The following TDRD12 variants were observed in gnomAD, a reference collection of about 807,000 sequenced individuals.
TDRD12 encodes the protein tudor domain containing 12.
A neutral mutation model predicts 133.5 loss-of-function variants in TDRD12; 158 were observed. The ratio of observed to expected loss-of-function variants is 1.18; its 90% CI spans 1.04 to 1.35. TDRD12 has a LOEUF of 1.35. TDRD12 is among the 40% of genes most tolerant of loss of function. The probability of loss-of-function intolerance (pLI) is 0.00; values close to 1 mark genes in which losing one functional copy is unlikely to be tolerated. For missense variants in TDRD12, 1,443 were observed against 1,321.3 expected, an observed-to-expected ratio of 1.09 and a Z score of -1.43; for synonymous variants, 460 against 477.9, an observed-to-expected ratio of 0.96 and a Z score of 0.49.
In TDRD12 at chr19:32,805,578, T is replaced by C. The variant is rs985118474; in HGVS notation, c.2553-1971T>C. On this transcript the variant is annotated intron_variant, in intron 21 of 27. Coordinates refer to ENST00000444215, the Ensembl canonical transcript of TDRD12. ...CATTTTTGGACTCTATTCTGTTACT[T>C]TGGCCTATTGGTCTAACTTTATACC... is the stretch of plus-strand genomic sequence containing the variant. Among the ~76,000 whole-genome samples the C allele has an allele frequency of 2.6e-5, 4 of 152,210 alleles. No individual in the cohort carries two copies. In the East Asian group the frequency reaches 5.8e-4, roughly 22 times the overall value.
intron 14 of TDRD12, among the ~76,000 whole-genome samples, chr19:32,795,561 GTGCTCTGCCAGTCAT>G (rs887474938): frequency 1.3e-5 from 2 of 152,024 alleles, no homozygotes; most frequent in Non-Finnish European, 2.9e-5. Context: ...GCCTTGTCCC[GTGCTCTGCCAGTCAT>G]TTCCTAGCTC....
intron 4 of TDRD12, among the ~76,000 whole-genome samples, chr19:32,746,922 G>A (rs1342770046): frequency 7.3e-6 from 1 of 137,704 alleles, no homozygotes; most frequent in Non-Finnish European, 1.5e-5. Context: ...GAGACTGGCT[G>A]ATGTGGCTAT....
chr19:32,776,881 G>T (rs1160577860), intron 10 of TDRD12, among the ~76,000 whole-genome samples: 1 of 152,078 alleles, frequency 6.6e-6, no homozygotes, highest in Non-Finnish European at 1.5e-5. Context: ...GGGGTAAAGG[G>T]GTTCACAATT....
intron 1 of TDRD12, among the ~76,000 whole-genome samples, chr19:32,727,811 G>A (rs1968908279): frequency 6.6e-6 from 1 of 152,258 alleles, no homozygotes; most frequent in African/African-American, 2.4e-5. Context: ...TGGGATTACG[G>A]GCATGTACCA....
At chr19:32,742,809 C>A (rs1405488952) in exon 4 of TDRD12, 2 of 1,551,622 alleles carry the variant, frequency 1.3e-6, no homozygotes, top group South Asian at 1.2e-5. Flanking sequence ...ATCGTTTATG[C>A]AGCTTCCCTA....
chr19:32,736,943 G>A (rs1004772245), intron 2 of TDRD12, among the ~76,000 whole-genome samples: 2 of 152,088 alleles, frequency 1.3e-5, no homozygotes, highest in Admixed American at 1.3e-4. Context: ...TAAAAAATGG[G>A]CTTAGTACAC....
intron 8 of TDRD12, among the ~76,000 whole-genome samples, chr19:32,763,292 A>G (rs1395684754): frequency 6.6e-6 from 1 of 152,168 alleles, no homozygotes; most frequent in Admixed American, 6.6e-5. Context: ...GGAGGGGTGG[A>G]GAGAGGGAAA....
At chr19:32,743,325 G>A (rs1179294928) in intron 4 of TDRD12, among the ~76,000 whole-genome samples, 1 of 151,866 alleles carries the variant, frequency 6.6e-6, no homozygotes, top group Non-Finnish European at 1.5e-5. Context: ...GGGACTACAG[G>A]CACATGCCAC....
At chr19:32,792,766 G>A (rs569250886) in intron 13 of TDRD12, among the ~76,000 whole-genome samples, 79 of 152,336 alleles carry the variant, frequency 5.2e-4, no homozygotes, top group African/African-American at 1.8e-3. Flanking sequence ...AGATTCTGAA[G>A]CATCTAAGTT....
In TDRD12 at chr19:32,728,171, G is replaced by T. The variant is rs192103282; in HGVS notation, c.25-3554G>T. On this transcript the variant is annotated intron_variant, in intron 1 of 27. Transcript: ENST00000444215. ...ATACTGTTTTGATTACTGTAGCTTT[G>T]TAGTAAAGTTTTGTGATCAAGTGTG... 5.5e-4 allele frequency among the ~76,000 whole-genome samples: 84 copies of T among 152,216 alleles called. 1 individual carries two copies. Among genetic ancestry groups the T allele is most frequent in the East Asian group, 1.7e-3 (9 of 5,188 alleles).
chr19:32,815,573 C>A (rs1425262945), exon 26 of TDRD12: 4 of 1,536,038 alleles, frequency 2.6e-6, no homozygotes, highest in Non-Finnish European at 3.5e-6. Context: ...AAAAATTACG[C>A]GAAGATGCTA....
chr19:32,745,202 G>A (rs1018781968), intron 4 of TDRD12, among the ~76,000 whole-genome samples: 1 of 152,188 alleles, frequency 6.6e-6, no homozygotes, highest in African/African-American at 2.4e-5. Context: ...CCCTGTGTGT[G>A]CAACCCAGCT....
intron 26 of TDRD12, among the ~76,000 whole-genome samples, chr19:32,817,725 G>T (rs1967228360): frequency 6.6e-6 from 1 of 151,526 alleles, no homozygotes; most frequent in African/African-American, 2.4e-5. Context: ...CAGCAGCCAT[G>T]CCCGAGGCCT....
intron 4 of TDRD12, among the ~76,000 whole-genome samples, chr19:32,744,511 A>AC (rs1323693609): frequency 6.8e-6 from 1 of 147,722 alleles, no homozygotes; most frequent in East Asian, 2.4e-4. Flanking sequence ...AAAAAAAAAA[A>AC]AAAAAAAAAA....
chr19:32,757,118 G>C, exon 8 of TDRD12: 1 of 1,551,680 alleles, frequency 6.4e-7, no homozygotes, highest in South Asian at 1.2e-5. Flanking sequence ...CAGGCCAACA[G>C]CCACAGCACA....
chr19:32,815,201 T>C (rs1335906610), intron 25 of TDRD12, among the ~76,000 whole-genome samples: 2 of 151,192 alleles, frequency 1.3e-5, no homozygotes, highest in African/African-American at 4.9e-5. Flanking sequence ...CCAGATTTGC[T>C]CTTGCCACCC....
At chr19:32,786,078 T>C (rs1411913548) in intron 11 of TDRD12, among the ~76,000 whole-genome samples, 1 of 152,236 alleles carries the variant, frequency 6.6e-6, no homozygotes, top group Non-Finnish European at 1.5e-5. Context: ...CGATTGTTCC[T>C]ATCCATGTTT....
chr19:32,820,054 C>G (rs2145755167), intron 27 of TDRD12, among the ~76,000 whole-genome samples: 1 of 152,284 alleles, frequency 6.6e-6, no homozygotes, highest in Non-Finnish European at 1.5e-5. Flanking sequence ...AGGAAGGAAT[C>G]TACCTAGCAG....
At chr19:32,815,341 C>A in intron 25 of TDRD12, 107 bp from the exon 26 acceptor site, 2 of 947,386 alleles carry the variant, frequency 2.1e-6, no homozygotes, top group African/African-American at 1.7e-5. Context: ...CGAAGTGCAG[C>A]CAACGTGGCA....
Sources: allele counts gnomAD v4.1 joint callset (sites outside exome capture counted in the v4.1 genomes callset), GRCh38; gene constraint gnomAD v4.1.1; transcripts MANE v1.5; gene names NCBI Gene and HGNC (gene_info 2026-07-23, HGNC 2026-07-21).